The following TENM2 variants were observed in gnomAD, a reference collection of about 807,000 sequenced individuals.
TENM2 encodes teneurin-2.
Under a neutral mutation model 245.2 loss-of-function variants are expected in TENM2, and 52 were observed. That is an observed-to-expected ratio of 0.21 (90% CI 0.17 to 0.27). TENM2 has a LOEUF of 0.27. Ranked by LOEUF, TENM2 falls within the 10% of genes least tolerant of loss-of-function variation. The pLI is 1.00. For synonymous variants in TENM2, 1,363 were observed against 1,438.9 expected, an observed-to-expected ratio of 0.95 and a Z score of 1.19; for missense variants, 3,046 against 3,666.8, an observed-to-expected ratio of 0.83 and a Z score of 4.37.
rs1010843786 is a variant in TENM2 at position 167,603,869 on chromosome 5, G to GA, written c.502+228401dup. Among the ~76,000 whole-genome samples, 133 of 152,264 alleles carry GA rather than the reference G, an allele frequency of 8.7e-4. 1 individual carries two copies. Among genetic ancestry groups the GA allele is most frequent in the African/African-American group, 3.1e-3 (128 of 41,566 alleles). On this transcript the variant is annotated intron_variant, in intron 2 of 28. Coordinates refer to ENST00000518659, the Ensembl canonical transcript of TENM2. ...AATGATTACAACATAGAGTGAAAAT[G>GA]AAAAATGTTGTAAGTACCTGATTTT...
At chr5:167,819,606 C>G (rs1767339990) in intron 2 of TENM2, among the ~76,000 whole-genome samples, 3 of 152,188 alleles carry the variant, frequency 2.0e-5, no homozygotes, top group Admixed American at 2.0e-4. Flanking sequence ...TCATAGCCTT[C>G]TGATTACTCC....
At chr5:168,238,234 GAAAAGAAA>G (rs1355736607) in intron 25 of TENM2, among the ~76,000 whole-genome samples, 5 of 90,988 alleles carry the variant, frequency 5.5e-5, no homozygotes, top group Non-Finnish European at 9.5e-5. Context: ...GAAAAGAAAA[GAAAAGAAA>G]AGAAAAGAAA....
intron 2 of TENM2, among the ~76,000 whole-genome samples, chr5:167,531,715 C>CA (rs1290733893): frequency 6.6e-6 from 1 of 151,762 alleles, no homozygotes; most frequent in East Asian, 1.9e-4. Context: ...TAAGTGAGAT[C>CA]ATGTGGCATT....
intron 1 of TENM2, among the ~76,000 whole-genome samples, chr5:167,332,931 C>A (rs150667268): frequency 2.0e-4 from 30 of 152,106 alleles, no homozygotes; most frequent in African/African-American, 6.7e-4. Flanking sequence ...ACTGAAGAGA[C>A]AAATTGATCC....
intron 12 of TENM2, among the ~76,000 whole-genome samples, chr5:168,147,697 A>G (rs1444879784): frequency 3.3e-5 from 5 of 152,140 alleles, no homozygotes; most frequent in South Asian, 2.1e-4. Context: ...TTCAGTACAC[A>G]TGGGGTGACC....
At chr5:167,659,965 A>G (rs1755098441) in intron 2 of TENM2, 1 of 152,212 alleles carries the variant, frequency 6.6e-6, no homozygotes, top group South Asian at 2.1e-4. Flanking sequence ...TTCTGTAAAT[A>G]CACCTGAAAT....
At chr5:168,072,675 C>T (rs1357345308) in intron 7 of TENM2, among the ~76,000 whole-genome samples, 7 of 152,078 alleles carry the variant, frequency 4.6e-5, no homozygotes, top group Admixed American at 6.5e-5. Flanking sequence ...GAAGTGTTTC[C>T]GGATGAGTCT....
At chr5:166,984,842 A>G in the TENM2 span, among the ~76,000 whole-genome samples, 1 of 152,158 alleles carries the variant, frequency 6.6e-6, no homozygotes, top group Non-Finnish European at 1.5e-5. Flanking sequence ...AAGAGTATAT[A>G]GTTATATATT....
chr5:167,421,981 G>A (rs953216030), intron 2 of TENM2, among the ~76,000 whole-genome samples: 16 of 151,970 alleles, frequency 1.1e-4, no homozygotes, highest in African/African-American at 9.7e-5. Context: ...TAGTAGAGAC[G>A]GAGTTTCACC....
At chr5:167,597,650 G>A (rs1776313103) in intron 2 of TENM2, among the ~76,000 whole-genome samples, 1 of 152,120 alleles carries the variant, frequency 6.6e-6, no homozygotes, top group South Asian at 2.1e-4. Flanking sequence ...TAATTCCAGT[G>A]CTACTAATAT....
chr5:167,762,902 G>A (rs1426527905), intron 2 of TENM2, among the ~76,000 whole-genome samples: 1 of 152,166 alleles, frequency 6.6e-6, no homozygotes, highest in Non-Finnish European at 1.5e-5. Flanking sequence ...CAGAACATCT[G>A]CCATGTGCAG....
intron 2 of TENM2, among the ~76,000 whole-genome samples, chr5:167,525,618 G>A (rs1254691574): frequency 2.6e-5 from 4 of 152,108 alleles, no homozygotes; most frequent in South Asian, 4.1e-4. Flanking sequence ...AAGTCCTATT[G>A]ACCTGGGACC....
chr5:167,466,480 A>G (rs1306992736), intron 2 of TENM2, among the ~76,000 whole-genome samples: 1 of 152,218 alleles, frequency 6.6e-6, no homozygotes. Context: ...AAACAAATTT[A>G]TGTGTGCTAC....
chr5:167,789,204 T>A (rs201990236), intron 2 of TENM2, among the ~76,000 whole-genome samples: 2 of 152,208 alleles, frequency 1.3e-5, no homozygotes, highest in East Asian at 3.8e-4. Flanking sequence ...TGCAACCACT[T>A]GAAATCCATA....
the TENM2 span, among the ~76,000 whole-genome samples, chr5:167,194,360 T>C: frequency 6.6e-6 from 1 of 152,062 alleles, no homozygotes; most frequent in Non-Finnish European, 1.5e-5. Flanking sequence ...CAGTTTCCTC[T>C]AGTTCTACAT....
chr5:168,076,578 C>T (rs1258743202), intron 7 of TENM2, among the ~76,000 whole-genome samples: 4 of 152,106 alleles, frequency 2.6e-5, no homozygotes, highest in Non-Finnish European at 5.9e-5. Flanking sequence ...TTATATTCCC[C>T]CTTGAAAATG....
intron 3 of TENM2, among the ~76,000 whole-genome samples, chr5:167,931,328 G>A (rs1169178180): frequency 6.6e-6 from 1 of 151,926 alleles, no homozygotes; most frequent in Non-Finnish European, 1.5e-5. Context: ...GTCAGAGATT[G>A]AACTGGGGTG....
intron 13 of TENM2, among the ~76,000 whole-genome samples, chr5:168,164,076 C>G (rs1294335987): frequency 1.3e-5 from 2 of 152,186 alleles, no homozygotes; most frequent in Non-Finnish European, 1.5e-5. Context: ...CTAGGCAAGA[C>G]TCTTGGTGAG....
the TENM2 span, among the ~76,000 whole-genome samples, chr5:167,024,427 A>C: frequency 2.0e-5 from 3 of 152,240 alleles, no homozygotes; most frequent in Non-Finnish European, 4.4e-5. Flanking sequence ...TTTGCATCGC[A>C]GTAAGAAAGA....
Sources: gnomAD v4.1 joint callset for allele counts (sites outside exome capture counted in the v4.1 genomes callset) on GRCh38, gnomAD v4.1.1 for gene constraint, MANE v1.5 for transcripts, NCBI Gene and HGNC (gene_info 2026-07-23, HGNC 2026-07-21) for gene names.